The following ARHGEF6 variants were observed in gnomAD, a reference collection of about 807,000 sequenced individuals.
The protein encoded by ARHGEF6 is Rac/Cdc42 guanine nucleotide exchange factor 6.
In ARHGEF6, 9 loss-of-function variants were observed where a neutral mutation model predicts 70.3. The ratio of observed to expected loss-of-function variants is 0.13; its 90% confidence interval spans 0.08 to 0.22. The LOEUF is 0.22. Ranked by LOEUF, ARHGEF6 falls within the 10% of genes least tolerant of loss-of-function variation. The pLI is 1.00. For missense variants in ARHGEF6, 470 were observed against 563.0 expected, an observed-to-expected ratio of 0.83 and a Z score of 1.67; for synonymous variants, 201 against 207.8, an observed-to-expected ratio of 0.97 and a Z score of 0.28.
intron 16 of ARHGEF6, among the ~76,000 whole-genome samples, chrX:136,678,857 A>G (rs1295897101): frequency 8.9e-6 from 1 of 111,814 alleles, no homozygotes; most frequent in East Asian, 2.8e-4. Context: ...GAGACAGGTT[A>G]GGGATAAAGC....
chrX:136,682,107 C>T (rs1164603108), intron 13 of ARHGEF6, 139 bp from the exon 14 acceptor site: 1 of 492,983 alleles, frequency 2.0e-6, no homozygotes, highest in East Asian at 3.7e-5. Context: ...TAATATGTTT[C>T]CCTGCTCTAA....
chrX:136,772,717 G>C (rs1273818627), intron 2 of ARHGEF6, among the ~76,000 whole-genome samples: 1 of 111,059 alleles, frequency 9.0e-6, no homozygotes, highest in Non-Finnish European at 1.9e-5. Flanking sequence ...ACAAAAATTA[G>C]CCAGGCATAG....
At chrX:136,694,240 A>G in intron 9 of ARHGEF6, among the ~76,000 whole-genome samples, 1 of 110,833 alleles carries the variant, frequency 9.0e-6, no homozygotes, top group Non-Finnish European at 1.9e-5. Flanking sequence ...TTTAGTAGAG[A>G]TGGGGTTTCA....
At chrX:136,755,991 T>C (rs1262409850) in intron 2 of ARHGEF6, among the ~76,000 whole-genome samples, 1 of 111,612 alleles carries the variant, frequency 9.0e-6, no homozygotes, top group African/African-American at 3.3e-5. Flanking sequence ...CAATTTTTTT[T>C]TCACTTCTGG....
intron 2 of ARHGEF6, among the ~76,000 whole-genome samples, chrX:136,774,479 C>T (rs1019418418): frequency 5.5e-5 from 6 of 108,622 alleles, no homozygotes; most frequent in Admixed American, 9.9e-5. Flanking sequence ...GGTGAAACTC[C>T]GTCTCTACTA....
intron 2 of ARHGEF6, among the ~76,000 whole-genome samples, chrX:136,763,837 G>T (rs975343000): frequency 9.0e-6 from 1 of 110,804 alleles, no homozygotes; most frequent in East Asian, 2.8e-4. Flanking sequence ...AATAAATAAA[G>T]AAATAAAATA....
chrX:136,739,681 G>GA (rs2077023292), intron 5 of ARHGEF6, among the ~76,000 whole-genome samples: 1 of 111,872 alleles, frequency 8.9e-6, no homozygotes, highest in Admixed American at 9.4e-5. Flanking sequence ...AGGGAGTGGG[G>GA]ATAGGGTTAA....
intron 5 of ARHGEF6, among the ~76,000 whole-genome samples, chrX:136,742,624 GC>G (rs1470764023): frequency 9.0e-6 from 1 of 111,296 alleles, no homozygotes; most frequent in African/African-American, 3.3e-5. Flanking sequence ...TATCAGAAGA[GC>G]CTACCTTCTT....
In ARHGEF6 at chrX:136,665,831, G is replaced by A. The variant is rs1184292536; in HGVS notation, c.*2198C>T. 1.8e-5 allele frequency: 2 copies of A among 112,165 alleles called. No homozygotes were observed. The highest frequency in any genetic ancestry group is 3.8e-5 in the Non-Finnish European group (2 of 53,178). The allele number at this position is 112,165 out of a possible 1,213,427, so 9.2% of individuals were successfully genotyped here. On this transcript the variant is annotated 3_prime_UTR_variant, in exon 22 of 22. Coordinates refer to ENST00000250617, the MANE Select transcript of ARHGEF6 (RefSeq NM_004840.3). ...TAAGCATGGTTACCACTCTGCACAA[G>A]CTTCGTTATCCAGAGTACCGAGGGC...
At chrX:136,717,640 T>C (rs1037033179) in intron 6 of ARHGEF6, among the ~76,000 whole-genome samples, 3 of 111,977 alleles carry the variant, frequency 2.7e-5, no homozygotes, top group Non-Finnish European at 5.7e-5. Context: ...GCAATGTATT[T>C]GATTATGTGT....
chrX:136,670,496 T>C (rs1047489159), intron 20 of ARHGEF6, among the ~76,000 whole-genome samples: 2 of 111,844 alleles, frequency 1.8e-5, no homozygotes, highest in African/African-American at 6.5e-5. Context: ...CAACATGCTG[T>C]ACATTAGTTC....
intron 6 of ARHGEF6, among the ~76,000 whole-genome samples, chrX:136,723,421 T>G (rs1333139936): frequency 8.9e-6 from 1 of 112,056 alleles, no homozygotes; most frequent in Non-Finnish European, 1.9e-5. Flanking sequence ...GTCATGGCCC[T>G]CAATACTCAA....
chrX:136,668,123 C>A lies in ARHGEF6; in HGVS notation c.2237G>T (p.Arg746Ile). 8.3e-7 allele frequency: 1 copy of A among 1,211,627 alleles called. No homozygotes were observed. The highest frequency in any genetic ancestry group is 1.1e-6 in the Non-Finnish European group (1 of 895,342). ...CCGCACCAGCTTTTCTAGGTCCCTT[C>A]TTGATTTCAGTTCTTCTTCCAGGCA... ...KQCLEEELKS[R>I]RDLEKLVRRL... Residue 746 changes from arginine to isoleucine, a missense_variant, in exon 22 of 22, where the codon AGA (arginine) becomes ATA (isoleucine). By Grantham distance (97) the Arg-to-Ile change is moderately conservative. Transcript: ENST00000250617.
chrX:136,744,578 T>C (rs2148660882), intron 4 of ARHGEF6, among the ~76,000 whole-genome samples: 1 of 111,735 alleles, frequency 8.9e-6, no homozygotes, highest in Admixed American at 9.5e-5. Context: ...TCCAAAAAAG[T>C]TAAGAACCAC....
chrX:136,703,997 A>G (rs1172497665), intron 9 of ARHGEF6, among the ~76,000 whole-genome samples: 1 of 112,861 alleles, frequency 8.9e-6, no homozygotes, highest in East Asian at 2.8e-4. Flanking sequence ...GTTTGGATCC[A>G]CAGTATCTCC....
In ARHGEF6 at chrX:136,751,106, G is replaced by A. The variant is rs1432448730; in HGVS notation, c.250-3514C>T. Reference sequence around the variant, plus strand: ...CCTACCTCAGCCTGCTAAAGTGCTGGGATTACAGGCGTGAGCCACCGCGCC... The same window carrying A: ...CCTACCTCAGCCTGCTAAAGTGCTGAGATTACAGGCGTGAGCCACCGCGCC... On this transcript the variant is annotated intron_variant, in intron 2 of 21. Transcript: ENST00000250617. Among the ~76,000 whole-genome samples, 10 of 111,424 alleles carry A rather than the reference G, an allele frequency of 9.0e-5. No homozygotes were observed. The East Asian group carries it at 2.8e-3, about 31-fold the overall frequency.
intron 10 of ARHGEF6, among the ~76,000 whole-genome samples, chrX:136,690,381 C>T (rs763394316): frequency 8.3e-5 from 9 of 108,367 alleles, no homozygotes; most frequent in Non-Finnish European, 1.5e-4. Context: ...AAGAGAAGAG[C>T]GAAAAGGGAG....
intron 9 of ARHGEF6, among the ~76,000 whole-genome samples, chrX:136,702,199 T>C (rs1253842454): frequency 8.9e-6 from 1 of 111,969 alleles, no homozygotes; most frequent in East Asian, 2.8e-4. Context: ...GAAAGTGTTG[T>C]TAGATTTAGC....
At chrX:136,769,289 G>A (rs916226404) in intron 2 of ARHGEF6, among the ~76,000 whole-genome samples, 7 of 110,661 alleles carry the variant, frequency 6.3e-5, no homozygotes, top group Non-Finnish European at 1.1e-4. Flanking sequence ...GCGGGCACCT[G>A]TAATCCCAGC....
Sources: gnomAD v4.1 joint callset for allele counts (sites outside exome capture counted in the v4.1 genomes callset) on GRCh38, gnomAD v4.1.1 for gene constraint, MANE v1.5 for transcripts, NCBI Gene and HGNC (gene_info 2026-07-23, HGNC 2026-07-21) for gene names.